Variants in ANK2 observed in about 807,000 individuals in gnomAD.
ANK2 encodes the protein ankyrin 2, also known as ankyrin-2.
A neutral mutation model predicts 360.5 loss-of-function variants in ANK2; 83 were observed. That is an observed-to-expected ratio of 0.23 (90% CI 0.19 to 0.28). The LOEUF is 0.28. ANK2 is among the 10% of genes least tolerant of loss of function. The probability of loss-of-function intolerance (pLI) is 1.00; values close to 1 mark genes in which losing one functional copy is unlikely to be tolerated. For synonymous variants in ANK2, 1,740 were observed against 1,759.5 expected, an observed-to-expected ratio of 0.99 and a Z score of 0.28; for missense variants, 4,201 against 4,795.7, an observed-to-expected ratio of 0.88 and a Z score of 3.66.
At chr4:112,831,631 G>A (rs1291025301) in intron 1 of ANK2, among the ~76,000 whole-genome samples, 2 of 152,168 alleles carry the variant, frequency 1.3e-5, no homozygotes, top group Non-Finnish European at 2.9e-5. Flanking sequence ...GTCACATGAG[G>A]GAATAAAAGC....
At chr4:112,789,843 A>G in the ANK2 span, among the ~76,000 whole-genome samples, 1 of 152,268 alleles carries the variant, frequency 6.6e-6, no homozygotes, top group Non-Finnish European at 1.5e-5. Context: ...CTCTCTTTGC[A>G]TCAGAGAAAT....
chr4:113,340,667 A>G (rs2094168330), intron 32 of ANK2, among the ~76,000 whole-genome samples: 2 of 152,316 alleles, frequency 1.3e-5, no homozygotes, highest in Middle Eastern at 3.4e-3. Context: ...ACTGCACTCC[A>G]GCCTGGGCGA....
intron 1 of ANK2, among the ~76,000 whole-genome samples, chr4:112,897,228 CAG>C (rs1330933867): frequency 6.6e-6 from 1 of 152,188 alleles, no homozygotes; most frequent in Non-Finnish European, 1.5e-5. Flanking sequence ...TCCCCCATGA[CAG>C]AAGTTGTTTC....
chr4:112,810,918 T>TTTTC, the ANK2 span, among the ~76,000 whole-genome samples: 74 of 145,008 alleles, frequency 5.1e-4, no homozygotes, highest in South Asian at 6.5e-4. Flanking sequence ...TCAATTTTCT[T>TTTTC]TTTCTTTCTT....
At chr4:113,152,605 T>C (rs2097137500) in intron 1 of ANK2, among the ~76,000 whole-genome samples, 1 of 152,204 alleles carries the variant, frequency 6.6e-6, no homozygotes, top group South Asian at 2.1e-4. Context: ...ATAGTAAAAC[T>C]TTTTTGTGCC....
At chr4:113,307,136 T>A (rs2077576455) in intron 23 of ANK2, among the ~76,000 whole-genome samples, 1 of 152,180 alleles carries the variant, frequency 6.6e-6, no homozygotes, top group Non-Finnish European at 1.5e-5. Flanking sequence ...TGTCCATATA[T>A]CTCTGCTAGT....
chr4:113,349,405 A>G (rs145539497), intron 36 of ANK2, among the ~76,000 whole-genome samples: 74 of 152,288 alleles, frequency 4.9e-4, no homozygotes, highest in Admixed American at 2.3e-3. Flanking sequence ...AATAAAAAAT[A>G]TAATAAATAC....
At chr4:112,920,909 C>T (rs2151168056) in intron 2 of ANK2, among the ~76,000 whole-genome samples, 1 of 152,070 alleles carries the variant, frequency 6.6e-6, no homozygotes, top group African/African-American at 2.4e-5. Context: ...TAAAGTTAAC[C>T]CTAAATTAAA....
intron 1 of ANK2, among the ~76,000 whole-genome samples, chr4:113,168,007 A>C (rs2097808444): frequency 6.6e-6 from 1 of 152,190 alleles, no homozygotes; most frequent in Non-Finnish European, 1.5e-5. Context: ...TTTAGAAAGG[A>C]ATTCATGAAT....
At chr4:112,890,605 T>C (rs1187052659) in intron 1 of ANK2, among the ~76,000 whole-genome samples, 4 of 144,914 alleles carry the variant, frequency 2.8e-5, no homozygotes, top group African/African-American at 1.0e-4. Context: ...TTCGCTCTTA[T>C]TGCCCAGGCT....
At chr4:113,174,714 CAGAT>C (rs2098126887) in intron 2 of ANK2, among the ~76,000 whole-genome samples, 197 bp downstream of exon 2, 1 of 152,152 alleles carries the variant, frequency 6.6e-6, no homozygotes, top group Admixed American at 6.5e-5. Flanking sequence ...GCTGAAAAAG[CAGAT>C]AGATCAAAAA....
the ANK2 span, among the ~76,000 whole-genome samples, chr4:112,762,900 T>G: frequency 6.6e-6 from 1 of 152,276 alleles, no homozygotes; most frequent in Admixed American, 6.5e-5. Context: ...TTTATGCTTC[T>G]GAGCTTCTGG....
intron 43 of ANK2, 144 bp from the exon 44 acceptor site, chr4:113,372,946 C>G: frequency 1.2e-6 from 1 of 829,794 alleles, no homozygotes; most frequent in Non-Finnish European, 2.1e-6. Context: ...GAGTTTTTCA[C>G]TAGTTGACAG....
intron 2 of ANK2, among the ~76,000 whole-genome samples, chr4:112,917,752 T>C (rs1435630622): frequency 6.6e-6 from 1 of 152,226 alleles, no homozygotes; most frequent in African/African-American, 2.4e-5. Context: ...CAGGAAGTGA[T>C]GTATAATATG....
intron 42 of ANK2, among the ~76,000 whole-genome samples, chr4:113,368,984 T>C (rs1247555614): frequency 6.6e-6 from 1 of 152,220 alleles, no homozygotes; most frequent in Non-Finnish European, 1.5e-5. Context: ...AACTCCAGAC[T>C]ATATCAATGA....
chr4:113,248,687 A>G (rs2044370017), intron 9 of ANK2, among the ~76,000 whole-genome samples: 2 of 152,178 alleles, frequency 1.3e-5, no homozygotes, highest in African/African-American at 4.8e-5. Context: ...GGAGTAAAGC[A>G]TAACCTGGAG....
At position 113,355,252 on chromosome 4, in the gene ANK2, G is replaced by C. The variant is rs61734478; in HGVS notation, c.6634G>C (p.Gly2212Arg). Residue 2212 changes from glycine (G) to arginine (R), a missense_variant, in exon 38 of 46, where the codon GGC becomes CGC. Transcript: ENST00000357077. Reference protein sequence around the residue: ...SESLKNEGVAGSPCGSLMEGT... With the variant: ...SESLKNEGVARSPCGSLMEGT... ...AAGCCTAAAGAATGAGGGGGTAGCC[G>C]GCTCTCCGTGTGGCAGCCTGATGGA... The C allele has an allele frequency of 1.9e-6, 3 of 1,614,010 alleles. No individual in the cohort carries two copies. The South Asian group carries it at 3.3e-5, about 18-fold the overall frequency.
the ANK2 span, among the ~76,000 whole-genome samples, chr4:112,708,878 G>A: frequency 6.6e-6 from 1 of 152,024 alleles, no homozygotes; most frequent in Non-Finnish European, 1.5e-5. Context: ...TATATTATTA[G>A]AATTACATAT....
In ANK2 at chr4:113,052,701, A is replaced by G. The variant is rs528871108; in HGVS notation, c.84+2889A>G. On this transcript the variant is annotated intron_variant, in intron 1 of 45. Coordinates refer to ENST00000357077, the MANE Select transcript of ANK2 (RefSeq NM_001148.6). ...TCGGTGCTCTCCACTCAGAAACCACAAGGAGTACACTGGTGGTTGAACATG... is the reference window on the plus strand; with the variant it reads ...TCGGTGCTCTCCACTCAGAAACCACGAGGAGTACACTGGTGGTTGAACATG... 7.2e-5 allele frequency among the ~76,000 whole-genome samples: 11 copies of G among 152,288 alleles called. No homozygotes were observed. In the South Asian group the frequency reaches 2.1e-3, roughly 29 times the overall value.
Sources: allele counts gnomAD v4.1 joint callset (sites outside exome capture counted in the v4.1 genomes callset), GRCh38; gene constraint gnomAD v4.1.1; transcripts MANE v1.5; gene names NCBI Gene and HGNC (gene_info 2026-07-23, HGNC 2026-07-21).